FGF13: variants seen among roughly 807,000 people sequenced by gnomAD.
The protein encoded by FGF13 is fibroblast growth factor 13.
Under a neutral mutation model 19.5 loss-of-function variants are expected in FGF13, and 2 were observed. That is an observed-to-expected ratio of 0.10 (90% CI 0.04 to 0.32). FGF13 has a LOEUF of 0.32. Ranked by LOEUF, FGF13 falls within the 10% of genes least tolerant of loss-of-function variation. The probability of loss-of-function intolerance (pLI) is 1.00; values close to 1 mark genes in which losing one functional copy is unlikely to be tolerated. For missense variants in FGF13, 113 were observed against 192.7 expected, an observed-to-expected ratio of 0.59 and a Z score of 2.45; for synonymous variants, 72 against 76.9, an observed-to-expected ratio of 0.94 and a Z score of 0.33.
At chrX:139,146,433 C>T (rs1416134527) in intron 1 of FGF13, among the ~76,000 whole-genome samples, 1 of 112,195 alleles carries the variant, frequency 8.9e-6, no homozygotes, top group Admixed American at 9.4e-5. Flanking sequence ...CCATCTCACA[C>T]CAGTTAGCAT....
intron 1 of FGF13, among the ~76,000 whole-genome samples, chrX:138,735,267 AAG>A (rs2090264830): frequency 8.9e-6 from 1 of 112,017 alleles, no homozygotes. Context: ...CAACCACAGA[AAG>A]AGTCCTAGTA....
chrX:139,042,308 A>AAAT (rs2092272488), intron 1 of FGF13, among the ~76,000 whole-genome samples: 1 of 111,715 alleles, frequency 9.0e-6, no homozygotes, highest in African/African-American at 3.3e-5. Flanking sequence ...ATGTGGAGGC[A>AAAT]GATCCATGAG....
At chrX:138,992,768 T>A (rs952996872) in intron 1 of FGF13, among the ~76,000 whole-genome samples, 2 of 111,988 alleles carry the variant, frequency 1.8e-5, no homozygotes, top group African/African-American at 6.5e-5. Flanking sequence ...GAAATGTTGA[T>A]GAGTGCTAAA....
intron 3 of FGF13, among the ~76,000 whole-genome samples, chrX:138,778,735 G>T (rs1396797124): frequency 1.8e-5 from 2 of 112,425 alleles, no homozygotes; most frequent in Non-Finnish European, 3.8e-5. Flanking sequence ...CAGCCAGGCT[G>T]GGGGAGGGGC....
At chrX:139,203,693 C>A (rs1043261917), upstream of FGF13, among the ~76,000 whole-genome samples, 1 of 111,760 alleles carries the variant, frequency 8.9e-6, no homozygotes, top group African/African-American at 3.3e-5. Flanking sequence ...TGCACACTCG[C>A]GCACACGCAC....
intron 1 of FGF13, among the ~76,000 whole-genome samples, chrX:139,039,108 T>C (rs1193198299): frequency 1.8e-5 from 2 of 112,221 alleles, no homozygotes; most frequent in Non-Finnish European, 3.8e-5. Flanking sequence ...TTGCTAAAAA[T>C]AGTTAATGTT....
At chrX:138,664,735 G>T (rs2089523927) in intron 3 of FGF13, among the ~76,000 whole-genome samples, 2 of 111,092 alleles carry the variant, frequency 1.8e-5, no homozygotes, top group African/African-American at 6.5e-5. Flanking sequence ...AGAAGCAGTG[G>T]CAGAAGGACC....
intron 3 of FGF13, among the ~76,000 whole-genome samples, chrX:138,806,190 T>C (rs1364847292): frequency 3.6e-5 from 4 of 112,118 alleles, no homozygotes; most frequent in Admixed American, 1.9e-4. Context: ...TTCTGCTATA[T>C]AACTTACCTA....
intron 1 of FGF13, among the ~76,000 whole-genome samples, chrX:139,108,064 C>T (rs1020184553): frequency 2.7e-5 from 3 of 111,266 alleles, no homozygotes; most frequent in Non-Finnish European, 5.7e-5. Context: ...AAAAGTACCA[C>T]TCAGAAGTTA....
At chrX:139,075,596 G>A (rs892493094) in intron 1 of FGF13, among the ~76,000 whole-genome samples, 3 of 111,599 alleles carry the variant, frequency 2.7e-5, no homozygotes, top group African/African-American at 9.8e-5. Flanking sequence ...CTGGCTCAGA[G>A]TGGGCTTAGG....
chrX:138,778,510 C>G (rs2090608982), intron 3 of FGF13, among the ~76,000 whole-genome samples: 1 of 112,368 alleles, frequency 8.9e-6, no homozygotes, highest in African/African-American at 3.2e-5. Flanking sequence ...TCAGGAAGCT[C>G]AAGGGGTCAG....
chrX:138,771,325 G>A (rs2090543923), intron 3 of FGF13, among the ~76,000 whole-genome samples: 1 of 111,606 alleles, frequency 9.0e-6, no homozygotes, highest in Admixed American at 9.6e-5. Context: ...TCTTACTGCT[G>A]TAACTCAATT....
chrX:138,995,468 C>T (rs1472671436), intron 1 of FGF13, among the ~76,000 whole-genome samples: 1 of 111,500 alleles, frequency 9.0e-6, no homozygotes, highest in African/African-American at 3.3e-5. Context: ...TCTCTCTTCC[C>T]AACAGCCCTC....
At chrX:138,965,652 G>A (rs971544474) in intron 1 of FGF13, among the ~76,000 whole-genome samples, 2 of 110,628 alleles carry the variant, frequency 1.8e-5, no homozygotes, top group Admixed American at 1.9e-4. Context: ...CACAATTTGT[G>A]GGGCCCAGTA....
chrX:138,980,089 A>G (rs1051592276), intron 1 of FGF13, among the ~76,000 whole-genome samples: 1 of 112,498 alleles, frequency 8.9e-6, no homozygotes, highest in Non-Finnish European at 1.9e-5. Flanking sequence ...ATTAAAATGT[A>G]TATACATATA....
chrX:138,922,773 C>T (rs771732085), intron 1 of FGF13, among the ~76,000 whole-genome samples: 22 of 111,995 alleles, frequency 2.0e-4, no homozygotes, highest in African/African-American at 6.5e-4. Flanking sequence ...CTGTCACTTT[C>T]GTAGTTCATG....
intron 3 of FGF13, among the ~76,000 whole-genome samples, chrX:138,773,868 C>T (rs866303129): frequency 8.9e-5 from 10 of 112,105 alleles, no homozygotes; most frequent in Middle Eastern, 9.1e-3. Flanking sequence ...TTCTGTCCAG[C>T]TATTTCAGCT....
chrX:138,786,338 G>A (rs764515222), intron 3 of FGF13, among the ~76,000 whole-genome samples: 1 of 111,233 alleles, frequency 9.0e-6, no homozygotes, highest in East Asian at 2.8e-4. Context: ...TTGGGCCAAG[G>A]TGGGATGGAA....
At chrX:138,978,049 A>G (rs2091946836) in intron 1 of FGF13, among the ~76,000 whole-genome samples, 1 of 111,490 alleles carries the variant, frequency 9.0e-6, no homozygotes, top group South Asian at 3.8e-4. Flanking sequence ...CAGCTATCAT[A>G]GCAGAAAGTG....
Sources: allele counts gnomAD v4.1 joint callset (sites outside exome capture counted in the v4.1 genomes callset), GRCh38; gene constraint gnomAD v4.1.1; transcripts MANE v1.5; gene names NCBI Gene and HGNC (gene_info 2026-07-23, HGNC 2026-07-21).